USP9X: variants seen among roughly 807,000 people sequenced by gnomAD.
USP9X encodes ubiquitin carboxyl-terminal hydrolase 9X.
A neutral mutation model predicts 190.3 loss-of-function variants in USP9X; 7 were observed. The ratio of observed to expected loss-of-function variants is 0.04; its 90% confidence interval spans 0.02 to 0.07. USP9X has a LOEUF of 0.07. Among genes scored for constraint, USP9X ranks in the 10% least tolerant of loss-of-function variants. The pLI, the probability that USP9X is intolerant of heterozygous loss-of-function variation, is 1.00. For missense variants in USP9X, 1,010 were observed against 1,916.9 expected, an observed-to-expected ratio of 0.53 and a Z score of 8.83; for synonymous variants, 645 against 659.5, an observed-to-expected ratio of 0.98 and a Z score of 0.34.
At chrX:41,088,709 G>A (rs1421622767) in intron 1 of USP9X, among the ~76,000 whole-genome samples, 4 of 110,802 alleles carry the variant, frequency 3.6e-5, no homozygotes, top group Non-Finnish European at 5.7e-5. Context: ...TTTTATGGTA[G>A]CCTACATTAT....
intron 32 of USP9X, among the ~76,000 whole-genome samples, chrX:41,207,328 A>G (rs1040106027): frequency 9.5e-6 from 1 of 105,570 alleles, no homozygotes; most frequent in African/African-American, 3.5e-5. Flanking sequence ...CAGGTGATCC[A>G]CCCGCCTCGG....
intron 31 of USP9X, among the ~76,000 whole-genome samples, chrX:41,202,000 G>T (rs977341750): frequency 1.1e-4 from 12 of 112,098 alleles, no homozygotes; most frequent in African/African-American, 3.9e-4. Flanking sequence ...TAATGTACTC[G>T]TGTTTTTTTG....
chrX:41,177,030 G>A (rs958067292), intron 21 of USP9X, among the ~76,000 whole-genome samples: 19 of 112,167 alleles, frequency 1.7e-4, no homozygotes, highest in African/African-American at 1.3e-4. Context: ...ACAGTTTGCC[G>A]TAGTGATGGC....
chrX:41,148,619 T>A (rs2062492150), intron 12 of USP9X, 44 bp downstream of exon 12: 2 of 1,130,929 alleles, frequency 1.8e-6, no homozygotes, highest in East Asian at 3.0e-5. Flanking sequence ...CTTTTCCCCT[T>A]CAGTTAGGTT....
intron 21 of USP9X, among the ~76,000 whole-genome samples, chrX:41,182,937 G>GTTTTTTT (rs11324762): frequency 1.0e-5 from 1 of 95,666 alleles, no homozygotes; most frequent in Non-Finnish European, 2.1e-5. Context: ...GAAAATCATA[G>GTTTTTTT]TTTTTTTTTT....
chrX:41,140,876 G>A, intron 7 of USP9X, 90 bp from the exon 8 acceptor site: 1 of 1,089,058 alleles, frequency 9.2e-7, no homozygotes, highest in East Asian at 3.2e-5. Flanking sequence ...TAATAACTGG[G>A]ATTTTTTAAA....
At chrX:41,142,564 G>A (rs764659952) in intron 9 of USP9X, among the ~76,000 whole-genome samples, 2 of 111,984 alleles carry the variant, frequency 1.8e-5, no homozygotes, top group Non-Finnish European at 3.8e-5. Context: ...ATTATCAGCT[G>A]AGACATGTAC....
chrX:41,099,096 G>GTTTTTTTTTGTTT (rs2062015166), intron 1 of USP9X, among the ~76,000 whole-genome samples: 1 of 44,274 alleles, frequency 2.3e-5, no homozygotes, highest in Non-Finnish European at 3.7e-5. Flanking sequence ...CCAGATAATT[G>GTTTTTTTTTGTTT]TTTTTTTTTT....
intron 20 of USP9X, 54 bp from the exon 21 acceptor site, chrX:41,171,784 T>C: frequency 1.7e-6 from 2 of 1,174,024 alleles, no homozygotes; most frequent in Non-Finnish European, 2.3e-6. Context: ...TGGGCTTTTA[T>C]AAAACGGGAG....
intron 2 of USP9X, among the ~76,000 whole-genome samples, chrX:41,124,172 G>T (rs1007855799): frequency 1.2e-4 from 13 of 110,726 alleles, no homozygotes; most frequent in African/African-American, 4.3e-4. Flanking sequence ...CACGTTGGGC[G>T]CAGTGGCTCA....
chrX:41,131,610 G>A (rs2062318547), intron 4 of USP9X, 74 bp downstream of exon 4: 2 of 964,128 alleles, frequency 2.1e-6, no homozygotes. Context: ...AAAAGCGGAT[G>A]AAGTGGATTT....
rs2063156601 is a variant in USP9X at position 41,211,437 on chromosome X, C to A, written c.5189+755C>A. Among the ~76,000 whole-genome samples, 5 of 113,192 alleles carry A rather than the reference C, an allele frequency of 4.4e-5. No individual in the cohort carries two copies. In the South Asian group the frequency reaches 1.8e-3, roughly 40 times the overall value. On this transcript the variant is annotated intron_variant, in intron 33 of 44. Coordinates refer to ENST00000378308, the MANE Select transcript of USP9X (RefSeq NM_001039591.3). ...TAAATACAGTAAGTTTAGAAGATGA[C>A]AAAGCTATGGTAGTATTTCCTATAC...
chrX:41,189,162 G>C, intron 25 of USP9X, 147 bp from the exon 26 acceptor site: 1 of 461,602 alleles, frequency 2.2e-6, no homozygotes. Context: ...TATTCCAAAG[G>C]GGCCTCAAGA....
At chrX:41,192,504 G>C (rs761102144) in intron 26 of USP9X, among the ~76,000 whole-genome samples, 10 of 111,791 alleles carry the variant, frequency 8.9e-5, no homozygotes, top group Non-Finnish European at 1.9e-4. Flanking sequence ...TCTCTGATCC[G>C]AGAAAGCATT....
At chrX:41,208,691 TTTTGTTTG>T (rs761047633) in intron 32 of USP9X, among the ~76,000 whole-genome samples, 22 of 110,834 alleles carry the variant, frequency 2.0e-4, no homozygotes, top group African/African-American at 6.9e-4. Flanking sequence ...TTTTTTTAAG[TTTTGTTTG>T]TTTGTTTGTT....
intron 23 of USP9X, among the ~76,000 whole-genome samples, chrX:41,185,861 C>T (rs1239484284): frequency 9.0e-6 from 1 of 110,803 alleles, no homozygotes; most frequent in Non-Finnish European, 1.9e-5. Context: ...CTAATCTCAA[C>T]GAGCTCACAG....
At chrX:41,151,478 T>G (rs1483152108) in intron 13 of USP9X, among the ~76,000 whole-genome samples, 3 of 112,089 alleles carry the variant, frequency 2.7e-5, no homozygotes, top group Non-Finnish European at 5.6e-5. Context: ...ATAGCTGTCT[T>G]TATACTATCT....
Position 41,234,747 on chromosome X carries a change from A to T in USP9X, c.*2223A>T, listed in dbSNP as rs1430051364. 1 of 111,071 alleles carries T rather than the reference A, an allele frequency of 9.0e-6. No individual in the cohort carries two copies. The highest frequency in any genetic ancestry group is 3.3e-5 in the African/African-American group (1 of 30,487). 9.2% of individuals were successfully genotyped at this position (111,071 alleles called of 1,213,427 possible). ...AGCTAATTTTTGTATTTTTGTAGAG[A>T]CAGGGTTTCACCACGTTGGCCAGGC... On this transcript the variant is annotated 3_prime_UTR_variant, in exon 45 of 45. Coordinates refer to ENST00000378308, the MANE Select transcript of USP9X (RefSeq NM_001039591.3).
At chrX:41,114,390 T>C (rs2062131716) in intron 1 of USP9X, among the ~76,000 whole-genome samples, 1 of 111,996 alleles carries the variant, frequency 8.9e-6, no homozygotes, top group Admixed American at 9.5e-5. Flanking sequence ...ATGATTGATC[T>C]TGTAAACAGA....
Sources: gnomAD v4.1 joint callset for allele counts (sites outside exome capture counted in the v4.1 genomes callset) on GRCh38, gnomAD v4.1.1 for gene constraint, MANE v1.5 for transcripts, NCBI Gene and HGNC (gene_info 2026-07-23, HGNC 2026-07-21) for gene names.